Variants in CSMD1 observed in about 807,000 individuals in gnomAD.
The protein encoded by CSMD1 is CUB and sushi domain-containing protein 1.
A neutral mutation model predicts 417.5 loss-of-function variants in CSMD1; 213 were observed. The observed-to-expected ratio is 0.51, with a 90% CI of 0.46 to 0.57. The LOEUF is 0.57. Among genes scored for constraint, CSMD1 ranks in the 20% least tolerant of loss-of-function variants. The pLI, the probability that CSMD1 is intolerant of heterozygous loss-of-function variation, is 0.00. For synonymous variants in CSMD1, 2,862 were observed against 1,736.8 expected (o/e 1.65, Z -16.11); for missense variants, 6,923 against 4,529.7 (o/e 1.53, Z -15.17).
intron 4 of CSMD1, among the ~76,000 whole-genome samples, chr8:3,999,012 T>C (rs1815448797): frequency 6.7e-6 from 1 of 148,878 alleles, no homozygotes; most frequent in Non-Finnish European, 1.5e-5. Flanking sequence ...ATAAATAACA[T>C]ATAAACTATA....
intron 1 of CSMD1, among the ~76,000 whole-genome samples, chr8:4,644,318 G>C (rs1184091195): frequency 2.0e-5 from 3 of 152,128 alleles, no homozygotes; most frequent in Non-Finnish European, 2.9e-5. Context: ...TTTTCATTGA[G>C]GCCTCATGCA....
intron 1 of CSMD1, among the ~76,000 whole-genome samples, chr8:4,656,761 G>C (rs548289112): frequency 6.6e-6 from 1 of 152,124 alleles, no homozygotes; most frequent in East Asian, 1.9e-4. Context: ...GCAGGAGGCA[G>C]TGGCAGACGT....
intron 23 of CSMD1, among the ~76,000 whole-genome samples, chr8:3,308,861 T>C (rs1347608276): frequency 1.3e-5 from 2 of 151,354 alleles, no homozygotes; most frequent in African/African-American, 2.4e-5. Flanking sequence ...GTAGCTGGGA[T>C]TACAGGTGCC....
intron 5 of CSMD1, among the ~76,000 whole-genome samples, chr8:3,775,757 C>T (rs141941793): frequency 1.3e-5 from 2 of 152,308 alleles, no homozygotes; most frequent in South Asian, 2.1e-4. Context: ...ACTTGTTTTA[C>T]TGCCTTAATC....
chr8:3,737,555 C>T (rs1353732261), intron 6 of CSMD1, among the ~76,000 whole-genome samples: 1 of 152,180 alleles, frequency 6.6e-6, no homozygotes, highest in Non-Finnish European at 1.5e-5. Flanking sequence ...TCTCCTTGCA[C>T]AGAGTAGCAT....
At chr8:4,726,471 ACTT>A (rs2116934029) in intron 1 of CSMD1, among the ~76,000 whole-genome samples, 1 of 152,150 alleles carries the variant, frequency 6.6e-6, no homozygotes, top group South Asian at 2.1e-4. Flanking sequence ...AGTCTGCTTC[ACTT>A]TTTTTTACTT....
chr8:3,726,487 A>T (rs1354865222), intron 6 of CSMD1, among the ~76,000 whole-genome samples: 5 of 152,178 alleles, frequency 3.3e-5, no homozygotes, highest in African/African-American at 7.2e-5. Flanking sequence ...GATGCTTTAA[A>T]CCAGAGATGA....
rs186242301 is a variant in CSMD1 at position 4,695,167 on chromosome 8, A to T, written c.86-57609T>A. Reference sequence around the variant, plus strand: ...ACTCATTTTTGTACATGGAATACACATACTCTTTATTTCTCGAAGTTATTT... The same window carrying T: ...ACTCATTTTTGTACATGGAATACACTTACTCTTTATTTCTCGAAGTTATTT... On this transcript the variant is annotated intron_variant, in intron 1 of 69. Transcript: ENST00000635120. 6.6e-5 allele frequency among the ~76,000 whole-genome samples: 10 copies of T among 152,058 alleles called. No individual in the cohort carries two copies. In the East Asian group the frequency reaches 1.9e-3, roughly 30 times the overall value.
intron 1 of CSMD1, among the ~76,000 whole-genome samples, chr8:4,766,599 G>A (rs1812481488): frequency 6.6e-6 from 1 of 152,170 alleles, no homozygotes; most frequent in African/African-American, 2.4e-5. Context: ...GGCATTTATT[G>A]CGTGTTTACT....
At chr8:3,041,098 C>T (rs1811062486) in intron 50 of CSMD1, among the ~76,000 whole-genome samples, 1 of 152,058 alleles carries the variant, frequency 6.6e-6, no homozygotes, top group South Asian at 2.1e-4. Context: ...AATGGCTGAG[C>T]AGAACTTAAA....
intron 1 of CSMD1, among the ~76,000 whole-genome samples, chr8:4,821,381 C>T (rs1433588608): frequency 6.6e-6 from 1 of 152,040 alleles, no homozygotes; most frequent in Non-Finnish European, 1.5e-5. Context: ...GTGCGTTTAT[C>T]CCCATAAAGC....
intron 1 of CSMD1, among the ~76,000 whole-genome samples, chr8:4,971,402 C>A (rs1810229831): frequency 1.3e-5 from 2 of 151,966 alleles, no homozygotes; most frequent in South Asian, 4.1e-4. Flanking sequence ...AGAAGAAACT[C>A]TTTTCTCTAA....
intron 1 of CSMD1, among the ~76,000 whole-genome samples, chr8:4,949,761 T>G (rs895728484): frequency 3.3e-5 from 5 of 152,198 alleles, no homozygotes; most frequent in Non-Finnish European, 5.9e-5. Flanking sequence ...TTCAAAAAAA[T>G]TGATATGAAG....
At chr8:4,042,815 T>TTAAAA (rs1487345501) in intron 3 of CSMD1, among the ~76,000 whole-genome samples, 5 of 41,312 alleles carry the variant, frequency 1.2e-4, no homozygotes, top group Admixed American at 3.6e-4. Flanking sequence ...TACAACATAT[T>TTAAAA]AAAAAAAAAA....
chr8:4,348,147 C>G (rs543012048), intron 3 of CSMD1, among the ~76,000 whole-genome samples: 4 of 152,132 alleles, frequency 2.6e-5, no homozygotes, highest in South Asian at 4.1e-4. Context: ...AAGACCTTTT[C>G]GGTTTTTAAA....
At chr8:3,667,996 GTGTC>G (rs1390665658) in intron 7 of CSMD1, among the ~76,000 whole-genome samples, 2 of 152,112 alleles carry the variant, frequency 1.3e-5, no homozygotes, top group African/African-American at 4.8e-5. Context: ...ATCAATATGA[GTGTC>G]TGTGCGCCTC....
intron 2 of CSMD1, among the ~76,000 whole-genome samples, chr8:4,589,450 G>C (rs942516537): frequency 6.6e-6 from 1 of 152,064 alleles, no homozygotes; most frequent in Non-Finnish European, 1.5e-5. Context: ...AGAATTAAAG[G>C]GTTAAGTTAA....
chr8:4,243,959 C>G (rs1802548757), intron 3 of CSMD1, among the ~76,000 whole-genome samples: 1 of 152,164 alleles, frequency 6.6e-6, no homozygotes, highest in Non-Finnish European at 1.5e-5. Context: ...TCATCAGTAG[C>G]AGGTGGGAAC....
At chr8:3,570,275 G>T (rs576086872) in intron 10 of CSMD1, among the ~76,000 whole-genome samples, 2 of 152,326 alleles carry the variant, frequency 1.3e-5, no homozygotes, top group East Asian at 3.9e-4. Flanking sequence ...TTTCCTTGGT[G>T]TCTGGCTTGC....
Sources: allele counts gnomAD v4.1 joint callset (sites outside exome capture counted in the v4.1 genomes callset), GRCh38; gene constraint gnomAD v4.1.1; transcripts MANE v1.5; gene names NCBI Gene and HGNC (gene_info 2026-07-23, HGNC 2026-07-21).